Variants in DPP10 observed in about 807,000 individuals in gnomAD.
DPP10 encodes the protein inactive dipeptidyl peptidase 10.
In DPP10, 33 loss-of-function variants were observed where a neutral mutation model predicts 120.9. The observed-to-expected ratio is 0.27, with a 90% confidence interval of 0.21 to 0.37. The LOEUF is 0.37. DPP10 is among the 10% of genes least tolerant of loss of function. DPP10 has a pLI of 1.00. For missense variants in DPP10, 816 were observed against 942.8 expected (o/e 0.87, Z 1.76); for synonymous variants, 337 against 326.1 (o/e 1.03, Z -0.36).
Position 115,115,594 on chromosome 2 carries a change from A to T in DPP10, c.61-193645A>T, listed in dbSNP as rs1291049393. ...AATCATTCCCATCCATTATTCATTG[A>T]CTACCAATAGCTACTCCAATCTTTA... On this transcript the variant is annotated intron_variant, in intron 1 of 25. Transcript: ENST00000410059. Among the ~76,000 whole-genome samples the T allele has an allele frequency of 2.0e-5, 3 of 152,182 alleles. No individual in the cohort carries two copies. In the East Asian group the frequency reaches 5.8e-4, roughly 29 times the overall value.
intron 1 of DPP10, among the ~76,000 whole-genome samples, chr2:114,550,090 T>C (rs563099986): frequency 6.6e-6 from 1 of 152,222 alleles, no homozygotes; most frequent in Non-Finnish European, 1.5e-5. Flanking sequence ...GCCCTGTCTA[T>C]TGCCACTGCC....
chr2:115,764,433 A>T (rs1399637874), intron 12 of DPP10, among the ~76,000 whole-genome samples: 1 of 152,074 alleles, frequency 6.6e-6, no homozygotes, highest in African/African-American at 2.4e-5. Flanking sequence ...ATAGAAAAAA[A>T]ACCCTGATTT....
chr2:115,012,320 C>G (rs1702323502), intron 1 of DPP10, among the ~76,000 whole-genome samples: 1 of 152,082 alleles, frequency 6.6e-6, no homozygotes, highest in African/African-American at 2.4e-5. Context: ...ATCCTGCGCA[C>G]AGGACCACAG....
chr2:114,593,765 G>A (rs2105176875), intron 1 of DPP10, among the ~76,000 whole-genome samples: 1 of 152,182 alleles, frequency 6.6e-6, no homozygotes, highest in South Asian at 2.1e-4. Flanking sequence ...GTGGGGGATT[G>A]GCGGGGAGAA....
chr2:114,943,634 T>G (rs1299432213), intron 1 of DPP10, among the ~76,000 whole-genome samples: 1 of 152,200 alleles, frequency 6.6e-6, no homozygotes, highest in Non-Finnish European at 1.5e-5. Flanking sequence ...TCCAAGTCTT[T>G]GCTATTGTGA....
At chr2:114,615,377 C>T (rs1005174464) in intron 1 of DPP10, among the ~76,000 whole-genome samples, 10 of 152,226 alleles carry the variant, frequency 6.6e-5, no homozygotes, top group African/African-American at 2.4e-4. Flanking sequence ...TGAGCTCTTG[C>T]TTTATTTTCT....
At chr2:115,159,087 A>C (rs2052108808) in intron 1 of DPP10, among the ~76,000 whole-genome samples, 1 of 152,186 alleles carries the variant, frequency 6.6e-6, no homozygotes, top group South Asian at 2.1e-4. Context: ...TATAACATCA[A>C]CATATCATCA....
intron 1 of DPP10, among the ~76,000 whole-genome samples, chr2:115,016,697 T>A (rs1273966271): frequency 6.6e-6 from 1 of 151,026 alleles, no homozygotes; most frequent in Non-Finnish European, 1.5e-5. Flanking sequence ...GCAAAGGATA[T>A]GAACAGACAT....
At chr2:114,479,594 G>T (rs1225800055) in intron 1 of DPP10, among the ~76,000 whole-genome samples, 3 of 152,084 alleles carry the variant, frequency 2.0e-5, no homozygotes, top group African/African-American at 7.2e-5. Flanking sequence ...TGACACACCT[G>T]ACAAAAACAA....
At chr2:115,816,619 GTTTT>G (rs200119642) in intron 21 of DPP10, among the ~76,000 whole-genome samples, 1 of 103,716 alleles carries the variant, frequency 9.6e-6, no homozygotes, top group Non-Finnish European at 2.0e-5. Context: ...TTTTTGTTTT[GTTTT>G]TTTTTTTTTT....
At chr2:115,267,599 C>G (rs1182751686) in intron 1 of DPP10, among the ~76,000 whole-genome samples, 2 of 152,096 alleles carry the variant, frequency 1.3e-5, no homozygotes, top group Non-Finnish European at 2.9e-5. Flanking sequence ...GCCTACCTCT[C>G]TCACCTTTAT....
At chr2:115,817,201 C>T (rs370342576) in intron 21 of DPP10, among the ~76,000 whole-genome samples, 2 of 151,656 alleles carry the variant, frequency 1.3e-5, no homozygotes, top group South Asian at 2.1e-4. Flanking sequence ...GAGCCGAGAT[C>T]GAGCCACCGC....
intron 5 of DPP10, among the ~76,000 whole-genome samples, chr2:115,594,880 A>G (rs1221522667): frequency 6.6e-6 from 1 of 152,190 alleles, no homozygotes; most frequent in Non-Finnish European, 1.5e-5. Flanking sequence ...GAGACATATC[A>G]GAATTATAGA....
chr2:114,833,126 G>A (rs778323324), intron 1 of DPP10, among the ~76,000 whole-genome samples: 2 of 151,718 alleles, frequency 1.3e-5, no homozygotes, highest in Non-Finnish European at 2.9e-5. Flanking sequence ...TTTATCTATG[G>A]CATTTTCATT....
At chr2:114,579,472 G>T (rs773846036) in intron 1 of DPP10, among the ~76,000 whole-genome samples, 10 of 152,270 alleles carry the variant, frequency 6.6e-5, no homozygotes, top group South Asian at 2.1e-4. Flanking sequence ...AATAAAAAAG[G>T]TTTGCAATCT....
At chr2:115,781,558 C>T (rs1204242832) in intron 16 of DPP10, among the ~76,000 whole-genome samples, 1 of 151,830 alleles carries the variant, frequency 6.6e-6, no homozygotes, top group Non-Finnish European at 1.5e-5. Flanking sequence ...TAATATGGTA[C>T]TGTATTTTCC....
At chr2:115,501,682 G>A (rs1297155406) in intron 4 of DPP10, among the ~76,000 whole-genome samples, 1 of 151,970 alleles carries the variant, frequency 6.6e-6, no homozygotes, top group Non-Finnish European at 1.5e-5. Context: ...GTGGAAGGTG[G>A]CATCAGTTTG....
chr2:115,509,644 C>T (rs769985729), intron 4 of DPP10, among the ~76,000 whole-genome samples: 6 of 152,072 alleles, frequency 3.9e-5, no homozygotes, highest in East Asian at 3.9e-4. Context: ...CCAGCCTGGA[C>T]GACAGAGCAA....
At position 114,748,855 on chromosome 2, in the gene DPP10, A is replaced by G. The variant is rs574382645; in HGVS notation, c.60+306017A>G. Among the ~76,000 whole-genome samples the G allele has an allele frequency of 7.6e-3, 557 of 72,914 alleles. 7 individuals are homozygous for G. The highest frequency in any genetic ancestry group is 0.011 in the Non-Finnish European group (454 of 40,140). The allele number at this position is 72,914 out of a possible 152,430, so 47.8% of individuals were successfully genotyped here. On this transcript the variant is annotated intron_variant, in intron 1 of 25. Transcript: ENST00000410059. ...TCTTTGCTATTGTGAATAATGCCGC[A>G]ATAAACATACGTGTGCATGTGTCTT...
Sources: gnomAD v4.1 joint callset for allele counts (sites outside exome capture counted in the v4.1 genomes callset) on GRCh38, gnomAD v4.1.1 for gene constraint, MANE v1.5 for transcripts, NCBI Gene and HGNC (gene_info 2026-07-23, HGNC 2026-07-21) for gene names.